The following SOD2 variants were observed in gnomAD, a reference collection of about 807,000 sequenced individuals.
SOD2 encodes superoxide dismutase [Mn], mitochondrial.
A neutral mutation model predicts 27.0 loss-of-function variants in SOD2; 11 were observed. The observed-to-expected ratio is 0.41, with a 90% CI of 0.26 to 0.67. The LOEUF (loss-of-function observed/expected upper bound fraction) is 0.67, where lower values mean the gene tolerates loss of function less well. Ranked by LOEUF, SOD2 falls within the 30% of genes least tolerant of loss-of-function variation. The probability of loss-of-function intolerance (pLI) is 0.34; values close to 1 mark genes in which losing one functional copy is unlikely to be tolerated. For synonymous variants in SOD2, 105 were observed against 103.0 expected, an observed-to-expected ratio of 1.02 and a Z score of -0.12; for missense variants, 250 against 274.5, an observed-to-expected ratio of 0.91 and a Z score of 0.63.
chr6:159,735,673 C>G (rs1344961287), intron 1 of SOD2, among the ~76,000 whole-genome samples: 1 of 152,062 alleles, frequency 6.6e-6, no homozygotes, highest in Non-Finnish European at 1.5e-5. Context: ...TGCTTGAACC[C>G]TGGAGGCGGA....
chr6:159,710,768 C>T (rs187445844), intron 1 of SOD2, among the ~76,000 whole-genome samples: 1 of 151,138 alleles, frequency 6.6e-6, no homozygotes, highest in Non-Finnish European at 1.5e-5. Flanking sequence ...CTGCTCTGAC[C>T]TCCATAACCA....
chr6:159,707,934 G>A lies in SOD2; in HGVS notation c.-115-15071C>T, dbSNP rs146756715. ...GTTTATCCACCGTGATCAAGGGGGC[G>A]TCATCCCTGGGATGCAAGGCTGGTT... On this transcript the variant is annotated intron_variant, in intron 1 of 2. Coordinates refer to the SOD2 transcript ENST00000401980. 6.4e-3 allele frequency among the ~76,000 whole-genome samples: 980 copies of A among 152,192 alleles called. 12 individuals are homozygous for A. Among genetic ancestry groups the A allele is most frequent in the African/African-American group, 0.022 (898 of 41,516 alleles).
intron 2 of SOD2, chr6:159,692,302 G>A: frequency 2.5e-6 from 2 of 810,694 alleles, no homozygotes; most frequent in Non-Finnish European, 3.4e-6. Context: ...TATACAACAA[G>A]AACAATTTCA....
At chr6:159,757,796 TTGATA>T (rs1469378452) in intron 1 of SOD2, among the ~76,000 whole-genome samples, 1 of 152,248 alleles carries the variant, frequency 6.6e-6, no homozygotes, top group Non-Finnish European at 1.5e-5. Flanking sequence ...ATTTTGGTGT[TTGATA>T]TATCAGATAC....
At position 159,674,732 on chromosome 6, in the gene SOD2, G is replaced by A. The variant is rs1779738938; in HGVS notation, c.*7761C>T. ...CACCACTCCTATTCAACATAGTGTTGGAAGTTCTGGCCAGGGCCATCAGGC... is the reference window on the plus strand; with the variant it reads ...CACCACTCCTATTCAACATAGTGTTAGAAGTTCTGGCCAGGGCCATCAGGC... On this transcript the variant is annotated 3_prime_UTR_variant, in exon 5 of 5. Coordinates refer to ENST00000538183, the MANE Select transcript of SOD2 (RefSeq NM_000636.4). The A allele has an allele frequency of 6.6e-6, 1 of 152,226 alleles. No individual in the cohort carries two copies. The highest frequency in any genetic ancestry group is 1.5e-5 in the Non-Finnish European group (1 of 68,050). The allele number at this position is 152,226 out of a possible 1,614,324, so 9.4% of individuals were successfully genotyped here.
intron 1 of SOD2, among the ~76,000 whole-genome samples, chr6:159,739,233 G>T (rs905877980): frequency 6.6e-6 from 1 of 152,130 alleles, no homozygotes; most frequent in African/African-American, 2.4e-5. Flanking sequence ...ACACTTTAAA[G>T]AACTACTAGG....
intron 1 of SOD2, among the ~76,000 whole-genome samples, chr6:159,721,991 T>A (rs1437433229): frequency 6.6e-6 from 1 of 152,058 alleles, no homozygotes; most frequent in East Asian, 1.9e-4. Flanking sequence ...ATATTTTATT[T>A]TATACTTATT....
intron 1 of SOD2, chr6:159,726,832 T>G: frequency 7.8e-7 from 1 of 1,289,200 alleles, no homozygotes; most frequent in Non-Finnish European, 1.0e-6. Flanking sequence ...GGCATCGGTT[T>G]CTAAGTTCTC....
At chr6:159,697,049 A>ACACACACACT (rs1015628812), upstream of SOD2, among the ~76,000 whole-genome samples, 4 of 151,044 alleles carry the variant, frequency 2.6e-5, no homozygotes, top group Non-Finnish European at 4.4e-5. Flanking sequence ...ACACACACAC[A>ACACACACACT]CACACACACA....
chr6:159,693,121 T>C, intron 1 of SOD2, 24 bp downstream of exon 1: 1 of 1,528,272 alleles, frequency 6.5e-7, no homozygotes, highest in East Asian at 2.6e-5. Flanking sequence ...CTTGGGGCCG[T>C]GACCGGGTCC....
At chr6:159,693,792 G>T (rs749757575), upstream of SOD2, among the ~76,000 whole-genome samples, 2 of 152,240 alleles carry the variant, frequency 1.3e-5, no homozygotes, top group Non-Finnish European at 2.9e-5. Context: ...TGAGGGTAGA[G>T]CCAGCGCCCT....
In SOD2 at chr6:159,678,348, G is replaced by GAAACCCCATCTCTACTAAAAATACA. The variant is rs1779824079; in HGVS notation, c.*4120_*4144dup. Reference sequence around the variant, plus strand: ...TTGAGACCAGCCTGGCCAACAGAGTGAAACCCCATCTCTACTAAAAATACA... The same window carrying GAAACCCCATCTCTACTAAAAATACA: ...TTGAGACCAGCCTGGCCAACAGAGTGAAACCCCATCTCTACTAAAAATACAAAACCCCATCTCTACTAAAAATACA... On this transcript the variant is annotated 3_prime_UTR_variant, in exon 5 of 5. Coordinates refer to ENST00000538183, the MANE Select transcript of SOD2 (RefSeq NM_000636.4). 1 of 152,230 alleles carries GAAACCCCATCTCTACTAAAAATACA rather than the reference G, an allele frequency of 6.6e-6. No individual in the cohort carries two copies. Among genetic ancestry groups the GAAACCCCATCTCTACTAAAAATACA allele is most frequent in the Non-Finnish European group, 1.5e-5 (1 of 68,114 alleles). The allele number at this position is 152,230 out of a possible 1,614,324, so 9.4% of individuals were successfully genotyped here.
At chr6:159,727,284 G>C in exon 1 of SOD2, 1 of 1,282,508 alleles carries the variant, frequency 7.8e-7, no homozygotes, top group Non-Finnish European at 1.0e-6. Context: ...TCCTGGCGGG[G>C]TTCGGCGGCG....
chr6:159,693,286 AG>A, upstream of SOD2: 1 of 846,344 alleles, frequency 1.2e-6, no homozygotes, highest in South Asian at 1.7e-5. Context: ...CGCGGGGAGC[AG>A]GGCCGCGACC....
At chr6:159,755,467 C>G (rs777905395) in intron 1 of SOD2, 1 of 1,614,060 alleles carries the variant, frequency 6.2e-7, no homozygotes, top group East Asian at 2.2e-5. Context: ...AAAACTCTCT[C>G]ACACACCAAT....
intron 1 of SOD2, among the ~76,000 whole-genome samples, chr6:159,714,921 TG>T (rs1299144785): frequency 1.3e-5 from 2 of 152,100 alleles, no homozygotes; most frequent in Non-Finnish European, 2.9e-5. Context: ...TGCTGGCTTC[TG>T]GGATATATGA....
At chr6:159,736,424 T>C in intron 1 of SOD2, 1 of 734,056 alleles carries the variant, frequency 1.4e-6, no homozygotes, top group Non-Finnish European at 2.3e-6. Context: ...TTTGCCTTTA[T>C]AACAATAATA....
intron 1 of SOD2, among the ~76,000 whole-genome samples, chr6:159,720,249 C>T (rs143266385): frequency 2.4e-3 from 371 of 152,150 alleles, no homozygotes; most frequent in Non-Finnish European, 3.9e-3. Flanking sequence ...CAGAGTTTCA[C>T]CATGTTGGCC....
chr6:159,692,520 G>A (rs1777260668), intron 2 of SOD2, 141 bp downstream of exon 2: 1 of 1,475,058 alleles, frequency 6.8e-7, no homozygotes, highest in East Asian at 2.5e-5. Flanking sequence ...TTAAAAGAGA[G>A]ACTATCGTGC....
Sources: gnomAD v4.1 joint callset for allele counts (sites outside exome capture counted in the v4.1 genomes callset) on GRCh38, gnomAD v4.1.1 for gene constraint, MANE v1.5 for transcripts, NCBI Gene and HGNC (gene_info 2026-07-23, HGNC 2026-07-21) for gene names.